The following AATF variants were observed in gnomAD, a reference collection of about 807,000 sequenced individuals.
The protein encoded by AATF is protein AATF.
AATF carries 48 observed loss-of-function variants against 63.7 expected under a neutral mutation model. That is an observed-to-expected ratio of 0.75 (90% CI 0.60 to 0.96). The LOEUF (loss-of-function observed/expected upper bound fraction) is 0.96, where lower values mean the gene tolerates loss of function less well. Ranked by LOEUF, AATF falls within the 40% of genes least tolerant of loss-of-function variation. The pLI, the probability that AATF is intolerant of heterozygous loss-of-function variation, is 0.00. For missense variants in AATF, 639 were observed against 685.7 expected (o/e 0.93, Z 0.76); for synonymous variants, 258 against 247.7 (o/e 1.04, Z -0.39).
rs1365323190 is a variant in AATF at position 37,056,492 on chromosome 17, GTGT to G, written c.1620-107_1620-105del. ...GGGGTGCATTTTTAATTACATGGCT[GTGT>G]TTTCAACAGAAGAAACAGAATGGGG... On this transcript the variant is annotated intron_variant, in intron 11 of 11. Transcript: ENST00000619387. 3 of 1,104,386 alleles carry G rather than the reference GTGT, an allele frequency of 2.7e-6. No homozygotes were observed. In the South Asian group the frequency reaches 4.1e-5, roughly 15 times the overall value. 68.4% of individuals were successfully genotyped at this position (1,104,386 alleles called of 1,614,324 possible).
intron 8 of AATF, among the ~76,000 whole-genome samples, chr17:36,993,437 T>C (rs1277400599): frequency 6.6e-6 from 1 of 152,236 alleles, no homozygotes; most frequent in African/African-American, 2.4e-5. Flanking sequence ...ACCTGGTTAA[T>C]TTCTTCTGTT....
chr17:36,988,857 T>C (rs2071190816), intron 6 of AATF, 137 bp downstream of exon 6: 2 of 873,222 alleles, frequency 2.3e-6, no homozygotes, highest in Non-Finnish European at 3.5e-6. Flanking sequence ...TATAGCAAAA[T>C]CTACTGAACT....
At chr17:37,050,676 T>A (rs2071740737) in intron 11 of AATF, among the ~76,000 whole-genome samples, 2 of 152,200 alleles carry the variant, frequency 1.3e-5, no homozygotes, top group Admixed American at 6.5e-5. Flanking sequence ...CTGCTATGAT[T>A]GGAACCCTTT....
intron 4 of AATF, among the ~76,000 whole-genome samples, chr17:36,965,969 T>C (rs752247555): frequency 6.6e-6 from 1 of 152,146 alleles, no homozygotes; most frequent in Non-Finnish European, 1.5e-5. Flanking sequence ...TGTCTAAGTA[T>C]GGGTCATTTT....
intron 11 of AATF, among the ~76,000 whole-genome samples, chr17:37,037,576 T>C (rs1228739905): frequency 6.6e-6 from 1 of 152,214 alleles, no homozygotes; most frequent in East Asian, 1.9e-4. Flanking sequence ...ACCTGCCCCA[T>C]GCCATTAGAC....
intron 11 of AATF, among the ~76,000 whole-genome samples, chr17:37,033,378 T>G (rs2071566395): frequency 6.6e-6 from 1 of 152,296 alleles, no homozygotes; most frequent in East Asian, 1.9e-4. Flanking sequence ...CCCTTTAAGG[T>G]TACGTTATTA....
At chr17:36,990,509 G>A (rs745557808) in intron 7 of AATF, among the ~76,000 whole-genome samples, 2 of 152,038 alleles carry the variant, frequency 1.3e-5, no homozygotes, top group Admixed American at 6.6e-5. Context: ...GGTGAAAAAT[G>A]GTATCTTCTA....
intron 4 of AATF, among the ~76,000 whole-genome samples, chr17:36,968,455 T>C (rs2071013115): frequency 6.6e-6 from 1 of 151,544 alleles, no homozygotes; most frequent in Non-Finnish European, 1.5e-5. Context: ...TTTGTAGTTT[T>C]TGTAGAGATG....
intron 8 of AATF, among the ~76,000 whole-genome samples, chr17:36,997,242 T>C (rs2071261275): frequency 6.6e-6 from 1 of 152,122 alleles, no homozygotes; most frequent in Non-Finnish European, 1.5e-5. Context: ...AAAAGTAACA[T>C]ATCGGAAAAA....
At chr17:36,949,897 A>T (rs895793461) in intron 1 of AATF, among the ~76,000 whole-genome samples, 2 of 152,270 alleles carry the variant, frequency 1.3e-5, no homozygotes, top group Non-Finnish European at 2.9e-5. Context: ...AAAGAATGGG[A>T]CAGAGTGAGG....
intron 4 of AATF, among the ~76,000 whole-genome samples, chr17:36,960,029 C>G (rs184175537): frequency 2.0e-5 from 3 of 151,988 alleles, no homozygotes; most frequent in East Asian, 3.9e-4. Flanking sequence ...TTTTTCCCCC[C>G]CCGAGATGGA....
At chr17:36,977,132 T>C (rs936583554) in intron 4 of AATF, among the ~76,000 whole-genome samples, 11 of 152,302 alleles carry the variant, frequency 7.2e-5, no homozygotes, top group Middle Eastern at 6.8e-3. Flanking sequence ...GATTTGGAAG[T>C]GGTAGTGTGA....
At position 36,953,222 on chromosome 17, in the gene AATF, G is replaced by T; in HGVS notation, c.620G>T (p.Gly207Val). The part of the protein sequence containing the change: ...RAGDRNSEDD[G>V]VVMTFSSVKV... ...GGAGATAGAAACAGTGAGGATGATG[G>T]TGTGGTGATGACCTTCTCTAGTGTC... The change falls in exon 3 of 12, where the codon GGT (glycine) becomes GTT (valine). Residue 207 changes from glycine to valine, a missense_variant. Physicochemically the swap from Gly to Val is moderately radical, Grantham distance 109. Transcript: ENST00000619387. 2 of 1,614,212 alleles carry T rather than the reference G, an allele frequency of 1.2e-6. No homozygotes were observed. The highest frequency in any genetic ancestry group is 1.7e-6 in the Non-Finnish European group (2 of 1,180,040).
At chr17:37,036,183 C>T (rs149961198) in intron 11 of AATF, among the ~76,000 whole-genome samples, 26 of 152,280 alleles carry the variant, frequency 1.7e-4, no homozygotes, top group African/African-American at 6.0e-4. Flanking sequence ...CTTAGTTTAC[C>T]CACATCTGGA....
rs113844061 is a variant in AATF at position 37,004,898 on chromosome 17, G to A, written c.1398+14041G>A. Reference sequence around the variant, plus strand: ...ACTACATTCATCCATGTGGATGCAGGTACTGAGATTTAACATGGCTTGGGG... The same window carrying A: ...ACTACATTCATCCATGTGGATGCAGATACTGAGATTTAACATGGCTTGGGG... On this transcript the variant is annotated intron_variant, in intron 8 of 11. Transcript: ENST00000619387. 3.9e-3 allele frequency among the ~76,000 whole-genome samples: 601 copies of A among 152,262 alleles called. 7 individuals carry two copies. The highest frequency in any genetic ancestry group is 0.014 in the African/African-American group (581 of 41,542).
At chr17:37,030,875 A>C (rs959292405) in intron 10 of AATF, among the ~76,000 whole-genome samples, 2 of 152,208 alleles carry the variant, frequency 1.3e-5, no homozygotes, top group African/African-American at 4.8e-5. Flanking sequence ...GACATCTATT[A>C]AAATGAAAAA....
rs942941703 is a variant in AATF at position 36,953,358 on chromosome 17, A to T, written c.694+62A>T. The T allele has an allele frequency of 6.4e-6, 10 of 1,562,216 alleles. No homozygotes were observed. In the African/African-American group the frequency reaches 1.2e-4, roughly 19 times the overall value. On this transcript the variant is annotated intron_variant, in intron 3 of 11. Transcript: ENST00000619387. ...AGTATCTGCATTTGGTCTACTTTTC[A>T]TTTGTTTGTTTTTGGCTATTCTCTA...
intron 8 of AATF, among the ~76,000 whole-genome samples, chr17:37,001,439 GGAAGGAAGGAAGGAAGA>G (rs1302085465): frequency 4.1e-5 from 5 of 121,022 alleles, no homozygotes; most frequent in Admixed American, 8.2e-5. Context: ...AAGGAAGGAA[GGAAGGAAGGAAGGAAGA>G]AAAAAAAAAA....
intron 11 of AATF, among the ~76,000 whole-genome samples, chr17:37,048,475 A>AT (rs1235522579): frequency 7.1e-6 from 1 of 140,772 alleles, no homozygotes; most frequent in Non-Finnish European, 1.5e-5. Context: ...GGTTCAAGTG[A>AT]TTTTCCCGGC....
Sources: allele counts gnomAD v4.1 joint callset (sites outside exome capture counted in the v4.1 genomes callset), GRCh38; gene constraint gnomAD v4.1.1; transcripts MANE v1.5; gene names NCBI Gene and HGNC (gene_info 2026-07-23, HGNC 2026-07-21).